The following TAFA5 variants were observed in gnomAD, a reference collection of about 807,000 sequenced individuals.
TAFA5 encodes TAFA chemokine like family member 5.
Under a neutral mutation model 15.3 loss-of-function variants are expected in TAFA5, and 6 were observed. The ratio of observed to expected loss-of-function variants is 0.39; its 90% CI spans 0.21 to 0.77. TAFA5 has a LOEUF of 0.77. Among genes scored for constraint, TAFA5 ranks in the 30% least tolerant of loss-of-function variants. The pLI is 0.41. For missense variants in TAFA5, 161 were observed against 193.1 expected, an observed-to-expected ratio of 0.83 and a Z score of 0.98; for synonymous variants, 103 against 80.7, an observed-to-expected ratio of 1.28 and a Z score of -1.48.
At chr22:48,665,451 C>T (rs1322342924) in intron 2 of TAFA5, among the ~76,000 whole-genome samples, 1 of 152,136 alleles carries the variant, frequency 6.6e-6, no homozygotes, top group African/African-American at 2.4e-5. Flanking sequence ...GTGTGGGAAA[C>T]GTCATCTTAC....
intron 1 of TAFA5, among the ~76,000 whole-genome samples, chr22:48,626,311 G>A (rs77834989): frequency 0.019 from 2,828 of 152,232 alleles, 35 homozygotes; most frequent in Non-Finnish European, 0.029. Flanking sequence ...GACCCCCGCC[G>A]GCCGTGAAGG....
intron 1 of TAFA5, among the ~76,000 whole-genome samples, chr22:48,591,278 C>G (rs73173424): frequency 0.074 from 11,344 of 152,320 alleles, 504 homozygotes; most frequent in South Asian, 0.19. Context: ...AGAGGAGAAG[C>G]TTCCCGGTTC....
At chr22:48,620,539 C>T (rs915016658) in intron 1 of TAFA5, among the ~76,000 whole-genome samples, 3 of 137,086 alleles carry the variant, frequency 2.2e-5, no homozygotes, top group Non-Finnish European at 4.7e-5. Flanking sequence ...GATGTTGTTG[C>T]TGAGGACAAT....
intron 1 of TAFA5, among the ~76,000 whole-genome samples, chr22:48,623,196 C>A (rs140498544): frequency 3.9e-5 from 6 of 152,096 alleles, no homozygotes; most frequent in South Asian, 2.1e-4. Flanking sequence ...CGCCAGCAGC[C>A]GCAGCCTGTT....
chr22:48,629,416 C>T (rs1278733984), intron 1 of TAFA5, among the ~76,000 whole-genome samples: 1 of 152,248 alleles, frequency 6.6e-6, no homozygotes, highest in Non-Finnish European at 1.5e-5. Flanking sequence ...GCTCTGCCTC[C>T]AGGCCCCCCT....
chr22:48,608,566 T>C (rs1925282785), intron 1 of TAFA5, among the ~76,000 whole-genome samples: 1 of 152,228 alleles, frequency 6.6e-6, no homozygotes, highest in South Asian at 2.1e-4. Flanking sequence ...GCTGCGGTTT[T>C]CCCAGCATTG....
chr22:48,589,827 G>A (rs1447603126), intron 1 of TAFA5, among the ~76,000 whole-genome samples: 1 of 149,674 alleles, frequency 6.7e-6, no homozygotes, highest in Non-Finnish European at 1.5e-5. Context: ...AGGAAGCGCA[G>A]GCCCAAGACA....
chr22:48,561,323 AAT>A (rs1404285769), intron 1 of TAFA5, among the ~76,000 whole-genome samples: 4 of 152,022 alleles, frequency 2.6e-5, no homozygotes, highest in African/African-American at 9.7e-5. Context: ...CCCTGGCTGC[AAT>A]GTTTCTGGGG....
intron 2 of TAFA5, among the ~76,000 whole-genome samples, chr22:48,681,506 T>A (rs1227081700): frequency 8.6e-5 from 9 of 104,790 alleles, no homozygotes; most frequent in South Asian, 2.9e-4. Context: ...AAAAAAAAAA[T>A]TAGGCGTGGG....
At chr22:48,639,850 C>T (rs1260312751) in intron 1 of TAFA5, among the ~76,000 whole-genome samples, 4 of 152,320 alleles carry the variant, frequency 2.6e-5, no homozygotes, top group African/African-American at 7.2e-5. Context: ...GCCAGCAGTC[C>T]CCAGGGTCTG....
chr22:48,709,346 T>C (rs1457570890), intron 3 of TAFA5, among the ~76,000 whole-genome samples: 1 of 152,226 alleles, frequency 6.6e-6, no homozygotes, highest in Non-Finnish European at 1.5e-5. Context: ...CACAGTGCTC[T>C]ACCATGTCCT....
chr22:48,689,744 G>A (rs1350228654), intron 2 of TAFA5, among the ~76,000 whole-genome samples: 1 of 152,212 alleles, frequency 6.6e-6, no homozygotes, highest in African/African-American at 2.4e-5. Flanking sequence ...GGGCCAGACT[G>A]TGCAGGAAAG....
intron 2 of TAFA5, among the ~76,000 whole-genome samples, chr22:48,685,099 G>A (rs539661289): frequency 6.6e-6 from 1 of 152,338 alleles, no homozygotes; most frequent in South Asian, 2.1e-4. Context: ...TGGGAAAGGG[G>A]AGATCTCCAA....
chr22:48,535,422 C>T (rs919053481), intron 1 of TAFA5, among the ~76,000 whole-genome samples: 2 of 152,246 alleles, frequency 1.3e-5, no homozygotes, highest in South Asian at 2.1e-4. Flanking sequence ...GTATATGTCA[C>T]AGATGAGCAT....
chr22:48,704,957 G>A (rs147736607), intron 2 of TAFA5, among the ~76,000 whole-genome samples: 2 of 152,026 alleles, frequency 1.3e-5, no homozygotes, highest in Non-Finnish European at 1.5e-5. Context: ...GATGGTGCAG[G>A]GGGCTGGGGA....
At chr22:48,492,261 T>A (rs1928181238) in intron 1 of TAFA5, among the ~76,000 whole-genome samples, 2 of 152,208 alleles carry the variant, frequency 1.3e-5, no homozygotes, top group Admixed American at 1.3e-4. Context: ...ATTGTTTTTG[T>A]CATCAGTAAG....
At chr22:48,656,859 G>A (rs949230434) in intron 2 of TAFA5, among the ~76,000 whole-genome samples, 10 of 149,596 alleles carry the variant, frequency 6.7e-5, no homozygotes, top group East Asian at 2.0e-4. Flanking sequence ...CTGCCCTCCC[G>A]GGTTCAAGCA....
chr22:48,542,581 TGCGG>T (rs1922477901), intron 1 of TAFA5, among the ~76,000 whole-genome samples: 30 of 114,412 alleles, frequency 2.6e-4, no homozygotes, highest in African/African-American at 9.2e-4. Context: ...GTGGTGTGTG[TGCGG>T]GTGTGTGGTG....
intron 2 of TAFA5, among the ~76,000 whole-genome samples, chr22:48,674,078 C>T (rs988884510): frequency 3.9e-5 from 6 of 152,116 alleles, no homozygotes; most frequent in Non-Finnish European, 8.8e-5. Context: ...CATCTGGACT[C>T]CTCTTCGCCC....
Sources: allele counts gnomAD v4.1 joint callset (sites outside exome capture counted in the v4.1 genomes callset), GRCh38; gene constraint gnomAD v4.1.1; transcripts MANE v1.5; gene names NCBI Gene and HGNC (gene_info 2026-07-23, HGNC 2026-07-21).